Variants in MLLT3 observed in about 807,000 individuals in gnomAD.
MLLT3 encodes the protein protein AF-9.
A neutral mutation model predicts 53.2 loss-of-function variants in MLLT3; 4 were observed. That is an observed-to-expected ratio of 0.08 (90% CI 0.04 to 0.17). The LOEUF (loss-of-function observed/expected upper bound fraction) is 0.17. Ranked by LOEUF, MLLT3 falls within the 10% of genes least tolerant of loss-of-function variation. MLLT3 has a pLI of 1.00. For synonymous variants in MLLT3, 283 were observed against 230.6 expected, an observed-to-expected ratio of 1.23 and a Z score of -2.06; for missense variants, 569 against 684.0, an observed-to-expected ratio of 0.83 and a Z score of 1.87.
chr9:20,510,155 A>C (rs1825494929), intron 2 of MLLT3, among the ~76,000 whole-genome samples: 1 of 152,218 alleles, frequency 6.6e-6, no homozygotes, highest in African/African-American at 2.4e-5. Context: ...TATGTGTAAC[A>C]CATCTGAAAA....
At chr9:20,585,428 G>A (rs1384773134) in intron 2 of MLLT3, among the ~76,000 whole-genome samples, 1 of 152,096 alleles carries the variant, frequency 6.6e-6, no homozygotes, top group East Asian at 1.9e-4. Flanking sequence ...TATGAATTTG[G>A]TAGGGGCACA....
chr9:20,410,648 CACAT>C (rs1438561457), intron 5 of MLLT3: 7 of 152,074 alleles, frequency 4.6e-5, no homozygotes, highest in Non-Finnish European at 8.8e-5. Flanking sequence ...TCTCTCTTCT[CACAT>C]ACAAAGGATA....
intron 2 of MLLT3, among the ~76,000 whole-genome samples, chr9:20,619,096 A>G (rs966011274): frequency 2.6e-5 from 4 of 152,342 alleles, no homozygotes; most frequent in Non-Finnish European, 4.4e-5. Context: ...GAGAAGCAGC[A>G]TATCAACCTC....
intron 2 of MLLT3, among the ~76,000 whole-genome samples, chr9:20,464,105 G>T (rs903286901): frequency 2.6e-5 from 4 of 151,298 alleles, no homozygotes; most frequent in Non-Finnish European, 5.9e-5. Context: ...CAGCCCTCTG[G>T]CATCAAAATT....
rs774890480 is a variant in MLLT3, at chr9:20,353,510, A to G, written c.1575+15T>C. 6 of 1,611,764 alleles carry G rather than the reference A, an allele frequency of 3.7e-6. No individual in the cohort carries two copies. Among genetic ancestry groups the G allele is most frequent in the Non-Finnish European group, 5.1e-6 (6 of 1,177,930 alleles). The stretch of plus-strand genomic sequence containing the variant: ...GAAGTTTCTGGAAAGGGTTGTGCTA[A>G]AAAGCATTTCTCACCTGCTGCAGAA... On this transcript the variant is annotated intron_variant, in intron 10 of 10. Coordinates refer to ENST00000380338, the MANE Select transcript of MLLT3 (RefSeq NM_004529.4).
At chr9:20,532,796 C>A in intron 2 of MLLT3, 1 of 258,738 alleles carries the variant, frequency 3.9e-6, no homozygotes. Context: ...AGATTATTAA[C>A]CAGTTCACCC....
chr9:20,491,965 T>C (rs1452641148), intron 2 of MLLT3, among the ~76,000 whole-genome samples: 3 of 152,074 alleles, frequency 2.0e-5, no homozygotes, highest in East Asian at 1.9e-4. Context: ...TGTGAATGTA[T>C]GTTATTAAAT....
rs191043304 is a variant in MLLT3 at position 20,518,288 on chromosome 9, G to C, written c.194-61502C>G. 1.1e-3 allele frequency among the ~76,000 whole-genome samples: 160 copies of C among 152,336 alleles called. 1 individual carries two copies. The highest frequency in any genetic ancestry group is 3.3e-3 in the African/African-American group (138 of 41,584). ...TTGAACCCAGGAGGCAGAGGTTGCA[G>C]TGAGCCAAGATCGCGCCATTGCACT... On this transcript the variant is annotated intron_variant, in intron 2 of 10. Transcript: ENST00000380338.
chr9:20,367,433 A>G (rs547408507), intron 5 of MLLT3, among the ~76,000 whole-genome samples: 15 of 152,278 alleles, frequency 9.9e-5, no homozygotes, highest in Non-Finnish European at 1.9e-4. Context: ...AGCATAATGC[A>G]TTGTATACAA....
chr9:20,393,616 G>C (rs1325842634), intron 5 of MLLT3, among the ~76,000 whole-genome samples: 2 of 152,204 alleles, frequency 1.3e-5, no homozygotes, highest in East Asian at 1.9e-4. Context: ...AGTGCCTGAA[G>C]ACTGTAAATA....
intron 2 of MLLT3, among the ~76,000 whole-genome samples, chr9:20,566,795 G>A (rs1439014249): frequency 3.3e-5 from 5 of 152,112 alleles, no homozygotes; most frequent in African/African-American, 1.2e-4. Context: ...GATTAAGAAG[G>A]AGGAAAAAGG....
intron 2 of MLLT3, among the ~76,000 whole-genome samples, chr9:20,519,075 T>C (rs1300044459): frequency 6.6e-6 from 1 of 152,216 alleles, no homozygotes; most frequent in Non-Finnish European, 1.5e-5. Context: ...GAAATACTTA[T>C]TAACCAGAAG....
chr9:20,619,777 A>G (rs1328459950), intron 2 of MLLT3, among the ~76,000 whole-genome samples: 1 of 152,186 alleles, frequency 6.6e-6, no homozygotes, highest in East Asian at 1.9e-4. Context: ...TCTTTTTTCC[A>G]AAACTGTCCT....
chr9:20,614,847 G>C (rs1222863022), intron 2 of MLLT3, among the ~76,000 whole-genome samples: 1 of 138,920 alleles, frequency 7.2e-6, no homozygotes, highest in Non-Finnish European at 1.6e-5. Context: ...GCAAGAAAGG[G>C]GCCAAGGTTG....
intron 5 of MLLT3, among the ~76,000 whole-genome samples, chr9:20,394,066 C>A (rs1822258661): frequency 6.6e-6 from 1 of 152,140 alleles, no homozygotes; most frequent in Non-Finnish European, 1.5e-5. Context: ...GATTCTGATT[C>A]TTTCCATATG....
intron 10 of MLLT3, among the ~76,000 whole-genome samples, chr9:20,348,135 A>G (rs531474296): frequency 2.4e-4 from 37 of 152,328 alleles, no homozygotes; most frequent in African/African-American, 8.9e-4. Context: ...TTTTAGGGAT[A>G]TAACTACAGC....
chr9:20,533,520 T>C (rs1818398796), intron 2 of MLLT3, among the ~76,000 whole-genome samples: 1 of 152,098 alleles, frequency 6.6e-6, no homozygotes, highest in African/African-American at 2.4e-5. Flanking sequence ...AAATTAAAAA[T>C]AGAACTACCA....
intron 3 of MLLT3, among the ~76,000 whole-genome samples, chr9:20,452,098 T>C (rs796164582): frequency 9.9e-5 from 15 of 152,274 alleles, no homozygotes; most frequent in African/African-American, 3.1e-4. Flanking sequence ...CTTTAATACG[T>C]GGAATTAAGA....
At chr9:20,350,916 C>T (rs183714403) in intron 10 of MLLT3, among the ~76,000 whole-genome samples, 1 of 152,206 alleles carries the variant, frequency 6.6e-6, no homozygotes, top group East Asian at 1.9e-4. Context: ...AGCCTCTTCG[C>T]TGTGTGGGGA....
Sources: allele counts gnomAD v4.1 joint callset (sites outside exome capture counted in the v4.1 genomes callset), GRCh38; gene constraint gnomAD v4.1.1; transcripts MANE v1.5; gene names NCBI Gene and HGNC (gene_info 2026-07-23, HGNC 2026-07-21).